OPCML: variants seen among roughly 807,000 people sequenced by gnomAD.
OPCML encodes opioid-binding protein/cell adhesion molecule.
Under a neutral mutation model 37.8 loss-of-function variants are expected in OPCML, and 13 were observed. The ratio of observed to expected loss-of-function variants is 0.34; its 90% CI spans 0.22 to 0.55. The LOEUF (loss-of-function observed/expected upper bound fraction) is 0.55, where lower values mean the gene tolerates loss of function less well. Ranked by LOEUF, OPCML falls within the 20% of genes least tolerant of loss-of-function variation. The pLI is 0.91. For synonymous variants in OPCML, 176 were observed against 168.8 expected (o/e 1.04, Z -0.33); for missense variants, 341 against 435.6 (o/e 0.78, Z 1.93).
chr11:133,455,932 C>A, intron 1 of OPCML, among the ~76,000 whole-genome samples: 1 of 152,150 alleles, frequency 6.6e-6, no homozygotes, highest in East Asian at 1.9e-4. Flanking sequence ...GTCCTAATTC[C>A]TAGTTTCCTC....
intron 2 of OPCML, among the ~76,000 whole-genome samples, chr11:132,754,009 A>G (rs750116081): frequency 1.2e-4 from 18 of 152,202 alleles, no homozygotes; most frequent in African/African-American, 2.9e-4. Context: ...CAACTTCTGC[A>G]TATGCATTCA....
chr11:132,738,242 G>T (rs1945322253), intron 2 of OPCML, among the ~76,000 whole-genome samples: 1 of 152,196 alleles, frequency 6.6e-6, no homozygotes, highest in South Asian at 2.1e-4. Context: ...CAAAACTCAT[G>T]TCTATTCTTT....
rs181749700 is a variant in OPCML, at chr11:132,843,006, T to C, written c.146+99920A>G. 4.6e-3 allele frequency among the ~76,000 whole-genome samples: 702 copies of C among 152,264 alleles called. 9 individuals are homozygous for C. The highest frequency in any genetic ancestry group is 5.5e-3 in the Non-Finnish European group (374 of 68,016). ...TTGTGAATCAATTAAACTAAGACAT[T>C]ACATTCATTTGTAGAAATCAGTTGC... On this transcript the variant is annotated intron_variant, in intron 2 of 7. Coordinates refer to ENST00000524381, the MANE Select transcript of OPCML (RefSeq NM_001012393.5).
chr11:132,692,019 G>T (rs1943422971), intron 2 of OPCML, among the ~76,000 whole-genome samples: 2 of 152,190 alleles, frequency 1.3e-5, no homozygotes, highest in African/African-American at 4.8e-5. Context: ...GCTTCAATCA[G>T]CTGGCTGTGT....
intron 1 of OPCML, among the ~76,000 whole-genome samples, chr11:133,108,213 C>T (rs1949190972): frequency 6.6e-6 from 1 of 152,192 alleles, no homozygotes; most frequent in African/African-American, 2.4e-5. Context: ...TGTCAAGGTA[C>T]ACTTTCAGAT....
chr11:133,346,254 C>T (rs929193491), intron 1 of OPCML, among the ~76,000 whole-genome samples: 4 of 152,130 alleles, frequency 2.6e-5, no homozygotes, highest in South Asian at 2.1e-4. Flanking sequence ...TGGGAGTTAG[C>T]GAGTCTGGCT....
At chr11:132,423,307 G>T (rs984891412) in intron 7 of OPCML, among the ~76,000 whole-genome samples, 2 of 152,230 alleles carry the variant, frequency 1.3e-5, no homozygotes, top group African/African-American at 4.8e-5. Context: ...CTGCCAAAGT[G>T]CCTTTGGTCA....
Position 132,466,317 on chromosome 11 carries a change from CAAAAAA to C in OPCML, c.506-28964_506-28959del, listed in dbSNP as rs35491939. Among the ~76,000 whole-genome samples the C allele has an allele frequency of 6.9e-3, 725 of 105,276 alleles. 7 individuals carry two copies. Among genetic ancestry groups the C allele is most frequent in the African/African-American group, 0.023 (698 of 30,760 alleles). The allele number at this position is 105,276 out of a possible 152,430, so 69.1% of individuals were successfully genotyped here. On this transcript the variant is annotated intron_variant, in intron 4 of 7. Transcript: ENST00000524381. Reference sequence around the variant, plus strand: ...TGAAACCCCGTCTCTACTAAAAATACAAAAAAAAAAAAAAAAAATAGCCAGGTGTGG... The same window carrying C: ...TGAAACCCCGTCTCTACTAAAAATACAAAAAAAAAAAATAGCCAGGTGTGG...
chr11:132,796,881 T>G (rs1938355761), intron 2 of OPCML, among the ~76,000 whole-genome samples: 1 of 152,222 alleles, frequency 6.6e-6, no homozygotes, highest in African/African-American at 2.4e-5. Context: ...TGTGAGGATC[T>G]TTTCAGGTGT....
At chr11:133,471,038 G>A (rs754804275) in intron 1 of OPCML, among the ~76,000 whole-genome samples, 20 of 152,158 alleles carry the variant, frequency 1.3e-4, no homozygotes, top group Non-Finnish European at 2.8e-4. Context: ...TAGGAGCTAC[G>A]AAGCAGGATA....
chr11:132,754,019 A>G (rs756394687), intron 2 of OPCML, among the ~76,000 whole-genome samples: 23 of 152,212 alleles, frequency 1.5e-4, no homozygotes, highest in Non-Finnish European at 2.8e-4. Context: ...ATATGCATTC[A>G]ACCAGCAGGC....
At chr11:133,324,229 G>T (rs1291272266) in intron 1 of OPCML, among the ~76,000 whole-genome samples, 1 of 152,160 alleles carries the variant, frequency 6.6e-6, no homozygotes, top group Non-Finnish European at 1.5e-5. Flanking sequence ...GGGTCTTTTA[G>T]AATATTTTCT....
At chr11:133,224,137 C>T (rs1397910225) in intron 1 of OPCML, among the ~76,000 whole-genome samples, 1 of 152,150 alleles carries the variant, frequency 6.6e-6, no homozygotes, top group East Asian at 1.9e-4. Context: ...AGCAGCTGCT[C>T]ATTTTGGGTT....
At position 132,916,902 on chromosome 11, in the gene OPCML, A is replaced by T. The variant is rs190200751; in HGVS notation, c.146+26024T>A. On this transcript the variant is annotated intron_variant, in intron 2 of 7. Coordinates refer to ENST00000524381, the MANE Select transcript of OPCML (RefSeq NM_001012393.5). ...ATTAGACCTTTCTACTAAGTAGGAA[A>T]TTAAACTTTCACTAAGGCAGCATGA... Among the ~76,000 whole-genome samples the T allele has an allele frequency of 1.4e-4, 22 of 152,296 alleles. No homozygotes were observed. The East Asian group carries it at 4.3e-3, about 29-fold the overall frequency.
chr11:132,533,826 A>AGCTTATTTG (rs1394907102), intron 3 of OPCML, among the ~76,000 whole-genome samples: 14 of 152,130 alleles, frequency 9.2e-5, no homozygotes, highest in African/African-American at 3.4e-4. Flanking sequence ...TCACATTCAG[A>AGCTTATTTG]GCTTATTTGT....
In OPCML at chr11:132,638,163, CTATATATA is replaced by C. The variant is rs71905540; in HGVS notation, c.379+18916_379+18923del. Among the ~76,000 whole-genome samples, 312 of 128,214 alleles carry C rather than the reference CTATATATA, an allele frequency of 2.4e-3. 5 individuals are homozygous for C. The highest frequency in any genetic ancestry group is 4.2e-3 in the Non-Finnish European group (246 of 58,504). 84.1% of individuals were successfully genotyped at this position (128,214 alleles called of 152,430 possible). A position where few individuals can be genotyped will look rare whatever the true frequency, so the allele number is the denominator to read the frequency against. On this transcript the variant is annotated intron_variant, in intron 3 of 7. Coordinates refer to ENST00000524381, the MANE Select transcript of OPCML (RefSeq NM_001012393.5). ...GAAAGCTAAAGAGCATATATACAGACTATATATATATATATATATATATACAGAGAGAG... is the reference window on the plus strand; with the variant it reads ...GAAAGCTAAAGAGCATATATACAGACTATATATATATATATACAGAGAGAG...
intron 4 of OPCML, among the ~76,000 whole-genome samples, chr11:132,514,890 C>A (rs550002419): frequency 6.6e-6 from 1 of 152,154 alleles, no homozygotes; most frequent in South Asian, 2.1e-4. Flanking sequence ...TCTTCACCAG[C>A]AGCACTGGCA....
chr11:133,260,539 T>C (rs1941457960), intron 1 of OPCML, among the ~76,000 whole-genome samples: 1 of 151,768 alleles, frequency 6.6e-6, no homozygotes, highest in Non-Finnish European at 1.5e-5. Flanking sequence ...GGTATGGGAG[T>C]GGGAGTGGAG....
chr11:132,771,558 C>G (rs191130293), intron 2 of OPCML: 8 of 152,174 alleles, frequency 5.3e-5, no homozygotes, highest in Admixed American at 5.2e-4. Context: ...AGAGCCCCCA[C>G]GAGGCTCCCA....
Sources: gnomAD v4.1 joint callset for allele counts (sites outside exome capture counted in the v4.1 genomes callset) on GRCh38, gnomAD v4.1.1 for gene constraint, MANE v1.5 for transcripts, NCBI Gene and HGNC (gene_info 2026-07-23, HGNC 2026-07-21) for gene names.